Variants in TMCC2 observed in about 807,000 individuals in gnomAD.
The protein encoded by TMCC2 is transmembrane and coiled-coil domain family 2.
A neutral mutation model predicts 49.4 loss-of-function variants in TMCC2; 16 were observed. The observed-to-expected ratio is 0.32, with a 90% CI of 0.22 to 0.49. The LOEUF (loss-of-function observed/expected upper bound fraction) is 0.49, where lower values mean the gene tolerates loss of function less well. Among genes scored for constraint, TMCC2 ranks in the 20% least tolerant of loss-of-function variants. The pLI is 0.99. For missense variants in TMCC2, 762 were observed against 989.8 expected (o/e 0.77, Z 3.09); for synonymous variants, 397 against 434.1 (o/e 0.91, Z 1.06).
rs543253294 is a variant in TMCC2, at chr1:205,269,589, G to A, written c.1387G>A (p.Gly463Ser). ...PPEEAARALS[G>S]SATLVSSPKY... ...TGAGGAGGCAGCCCGGGCACTGAGC[G>A]GCAGTGCCACACTCGTCTCCAGCCC... Residue 463 changes from glycine (G) to serine (S), a missense_variant, in exon 3 of 5, where the codon GGC (glycine) becomes AGC (serine). Coordinates refer to ENST00000358024, the MANE Select transcript of TMCC2 (RefSeq NM_014858.4). 3.6e-4 allele frequency: 575 copies of A among 1,613,840 alleles called. No homozygotes were observed. The highest frequency in any genetic ancestry group is 4.5e-4 in the Non-Finnish European group (536 of 1,179,986).
chr1:205,261,753 A>T (rs1016215245), intron 2 of TMCC2, among the ~76,000 whole-genome samples: 7 of 152,038 alleles, frequency 4.6e-5, no homozygotes, highest in Admixed American at 3.9e-4. Context: ...GTTTCTAAGC[A>T]CCTGCTTTAT....
chr1:205,270,991 G>A, intron 3 of TMCC2, 129 bp from the exon 4 acceptor site: 2 of 1,309,054 alleles, frequency 1.5e-6, no homozygotes, highest in Middle Eastern at 2.7e-4. Context: ...GTTAAAATTA[G>A]AACAGAGCAG....
chr1:205,240,244 G>C (rs771347500), intron 1 of TMCC2, among the ~76,000 whole-genome samples: 1 of 152,260 alleles, frequency 6.6e-6, no homozygotes, highest in Non-Finnish European at 1.5e-5. Context: ...AGAAGCAGCT[G>C]TCTGGAATTA....
At chr1:205,250,455 C>T (rs552668635) in intron 2 of TMCC2, among the ~76,000 whole-genome samples, 15 of 152,090 alleles carry the variant, frequency 9.9e-5, no homozygotes, top group South Asian at 4.2e-4. Context: ...ACAGGAGAAT[C>T]GCTTGAACCT....
rs1661224290 is a variant in TMCC2, at chr1:205,264,117, G to A, written c.748-4833G>A. 6.6e-6 allele frequency among the ~76,000 whole-genome samples: 1 copy of A among 152,204 alleles called. No homozygotes were observed. The highest frequency in any genetic ancestry group is 1.5e-5 in the Non-Finnish European group (1 of 68,042). ...GTCTGACGTATGTCAAGAAATGTTA[G>A]TGTTTGAAGGAGATTGGTTCCAAGA... On this transcript the variant is annotated intron_variant, in intron 2 of 4. Coordinates refer to ENST00000358024, the MANE Select transcript of TMCC2 (RefSeq NM_014858.4). The surrounding 1 kb of genome is among the most constrained non-coding windows in gnomAD (Gnocchi z 4.2).
chr1:205,258,485 C>T (rs114511751), intron 2 of TMCC2, among the ~76,000 whole-genome samples: 3,628 of 152,220 alleles, frequency 0.024, 143 homozygotes, highest in African/African-American at 0.081. Flanking sequence ...CCAATTAAAC[C>T]GATAGGTAGG....
At chr1:205,271,520 G>A (rs1352530468) in intron 4 of TMCC2, among the ~76,000 whole-genome samples, 1 of 152,236 alleles carries the variant, frequency 6.6e-6, no homozygotes. Context: ...TGGCAGCTTC[G>A]CAAATGAGTA....
At chr1:205,254,759 T>C (rs1174431604) in intron 2 of TMCC2, among the ~76,000 whole-genome samples, 1 of 152,122 alleles carries the variant, frequency 6.6e-6, no homozygotes, top group East Asian at 1.9e-4. Flanking sequence ...CAGGAAACTC[T>C]TTCTGTTGCT....
rs577342929 is a variant in TMCC2 at position 205,229,686 on chromosome 1, G to A, written c.207+915G>A. On this transcript the variant is annotated intron_variant, in intron 1 of 4. Coordinates refer to ENST00000358024, the MANE Select transcript of TMCC2 (RefSeq NM_014858.4). ...CAGGGTGGAGAACTGACAGGTGGTGGAGCAGTGCTTGGGCTGGTTTGGGGC... is the reference window on the plus strand; with the variant it reads ...CAGGGTGGAGAACTGACAGGTGGTGAAGCAGTGCTTGGGCTGGTTTGGGGC... 14 of 985,608 alleles carry A rather than the reference G, an allele frequency of 1.4e-5. No homozygotes were observed. In the East Asian group the frequency reaches 1.6e-3, roughly 112 times the overall value. The allele number at this position is 985,608 out of a possible 1,614,324, so 61.1% of individuals were successfully genotyped here.
At position 205,228,508 on chromosome 1, in the gene TMCC2, T is replaced by C; in HGVS notation, c.-57T>C. The C allele has an allele frequency of 6.7e-7, 1 of 1,499,996 alleles. No homozygotes were observed. Among genetic ancestry groups the C allele is most frequent in the East Asian group, 2.3e-5 (1 of 43,714 alleles). 92.9% of individuals were successfully genotyped at this position (1,499,996 alleles called of 1,614,324 possible). On this transcript the variant is annotated 5_prime_UTR_variant, in exon 1 of 5. Coordinates refer to ENST00000358024, the MANE Select transcript of TMCC2 (RefSeq NM_014858.4). ...CATATGAATATAAGAGGGGGTGCGG[T>C]CTTCCCCAAGACGGCGCGCTGGAAG...
chr1:205,257,157 T>C, intron 2 of TMCC2: 2 of 1,232,770 alleles, frequency 1.6e-6, no homozygotes, highest in Non-Finnish European at 2.0e-6. Flanking sequence ...GGGGGAAATC[T>C]CCTAGAGCAA....
At chr1:205,236,088 GA>G (rs1660035450) in intron 1 of TMCC2, among the ~76,000 whole-genome samples, 1 of 126,202 alleles carries the variant, frequency 7.9e-6, no homozygotes, top group Non-Finnish European at 1.7e-5. Flanking sequence ...AAAAAAAAAA[GA>G]ACAGTTATTT....
chr1:205,253,622 A>G (rs946857336), intron 2 of TMCC2, among the ~76,000 whole-genome samples: 2 of 152,240 alleles, frequency 1.3e-5, no homozygotes, highest in African/African-American at 4.8e-5. Context: ...AGTGCAAGTG[A>G]TGTGGCTTAC....
intron 2 of TMCC2, chr1:205,256,259 TAGAG>T: frequency 6.5e-7 from 1 of 1,537,412 alleles, no homozygotes; most frequent in East Asian, 2.5e-5. Context: ...AAGCTGCCAT[TAGAG>T]AGATCCAGCA....
At chr1:205,255,995 C>T (rs1295599792) in intron 2 of TMCC2, among the ~76,000 whole-genome samples, 1 of 152,172 alleles carries the variant, frequency 6.6e-6, no homozygotes, top group Non-Finnish European at 1.5e-5. Flanking sequence ...AAGTCATCAG[C>T]CAACCACAAA....
intron 2 of TMCC2, among the ~76,000 whole-genome samples, chr1:205,255,713 C>T (rs2102579089): frequency 6.6e-6 from 1 of 152,314 alleles, no homozygotes; most frequent in Non-Finnish European, 1.5e-5. Flanking sequence ...GAGGATCAGT[C>T]TTATGCTAGG....
At chr1:205,238,132 A>G (rs1660127862) in intron 1 of TMCC2, among the ~76,000 whole-genome samples, 1 of 152,254 alleles carries the variant, frequency 6.6e-6, no homozygotes, top group Admixed American at 6.5e-5. Flanking sequence ...CCTGTTAGTC[A>G]GAGCAGGTGG....
At chr1:205,233,912 A>AT (rs1285567693) in intron 1 of TMCC2, 4 of 151,338 alleles carry the variant, frequency 2.6e-5, no homozygotes, top group Non-Finnish European at 5.9e-5. Context: ...GAGTTTCTTC[A>AT]TTTTTTAAAT....
At chr1:205,239,534 C>T (rs1431442748) in intron 1 of TMCC2, among the ~76,000 whole-genome samples, 1 of 152,196 alleles carries the variant, frequency 6.6e-6, no homozygotes, top group Non-Finnish European at 1.5e-5. Context: ...GAATTCAGTT[C>T]TTGAGAAGGA....
Sources: allele counts gnomAD v4.1 joint callset (sites outside exome capture counted in the v4.1 genomes callset), GRCh38; gene constraint gnomAD v4.1.1; non-coding constraint Gnocchi (gnomAD v3.1); transcripts MANE v1.5; gene names NCBI Gene and HGNC (gene_info 2026-07-23, HGNC 2026-07-21).